GLB1: variants seen among roughly 807,000 people sequenced by gnomAD.
GLB1 encodes beta-galactosidase.
GLB1 carries 56 observed loss-of-function variants against 74.0 expected under a neutral mutation model. The observed-to-expected ratio is 0.76, with a 90% confidence interval of 0.61 to 0.94. The LOEUF (loss-of-function observed/expected upper bound fraction) is 0.94, where lower values mean the gene tolerates loss of function less well. Among genes scored for constraint, GLB1 ranks in the 40% least tolerant of loss-of-function variants. The probability of loss-of-function intolerance (pLI) is 0.00; values close to 1 mark genes in which losing one functional copy is unlikely to be tolerated. For synonymous variants in GLB1, 323 were observed against 323.6 expected, an observed-to-expected ratio of 1.00 and a Z score of 0.02; for missense variants, 787 against 845.5, an observed-to-expected ratio of 0.93 and a Z score of 0.86.
chr3:32,978,744 CT>C, the GLB1 span, among the ~76,000 whole-genome samples: 20 of 144,028 alleles, frequency 1.4e-4, no homozygotes, highest in African/African-American at 4.8e-4. Context: ...CCCTGGTTTT[CT>C]TTTTTTTCTT....
At chr3:33,066,725 T>C (rs1699698190) in intron 4 of GLB1, among the ~76,000 whole-genome samples, 1 of 152,190 alleles carries the variant, frequency 6.6e-6, no homozygotes, top group Admixed American at 6.5e-5. Flanking sequence ...TTTTTTTCCG[T>C]ATAAAATGAA....
rs766907320 is a variant in GLB1 at position 32,997,354 on chromosome 3, G to A, written c.1735-10C>T. On this transcript the variant is annotated splice_polypyrimidine_tract_variant and intron_variant, in intron 15 of 15. Transcript: ENST00000307363. The stretch of plus-strand genomic sequence containing the variant: ...TAATCCAGACCTGGCCCTGGAGAGA[G>A]AGAGACAGAGAACCATCAACCCCAG... 63 of 1,612,228 alleles carry A rather than the reference G, an allele frequency of 3.9e-5. No individual in the cohort carries two copies. Among genetic ancestry groups the A allele is most frequent in the Non-Finnish European group, 4.9e-5 (58 of 1,179,888 alleles).
intron 5 of GLB1, among the ~76,000 whole-genome samples, chr3:33,063,562 A>G (rs1323656034): frequency 1.3e-5 from 2 of 152,178 alleles, no homozygotes. Flanking sequence ...TTGCAGAATT[A>G]ATACTTGATT....
chr3:33,082,999 T>C (rs1275526819), intron 1 of GLB1, among the ~76,000 whole-genome samples: 17 of 152,154 alleles, frequency 1.1e-4, no homozygotes, highest in Admixed American at 1.0e-3. Context: ...GTCCACTTCA[T>C]GGACCCAAGA....
At chr3:33,089,060 T>C (rs1380035007) in intron 1 of GLB1, among the ~76,000 whole-genome samples, 1 of 152,308 alleles carries the variant, frequency 6.6e-6, no homozygotes, top group East Asian at 1.9e-4. Context: ...AAAACAGTGC[T>C]GGGAAAACTG....
rs1359014061 is a variant in GLB1 at position 33,012,779 on chromosome 3, C to T, written c.1734+1277G>A. 3.3e-5 allele frequency among the ~76,000 whole-genome samples: 5 copies of T among 152,182 alleles called. No individual in the cohort carries two copies. The East Asian group carries it at 9.6e-4, about 29-fold the overall frequency. ...AGCTTGAGACCTGAGTCATCCGAGACATATCCCTCTCCCCAAACCCTCCTG... is the reference window on the plus strand; with the variant it reads ...AGCTTGAGACCTGAGTCATCCGAGATATATCCCTCTCCCCAAACCCTCCTG... On this transcript the variant is annotated intron_variant, in intron 15 of 15. Transcript: ENST00000307363.
In GLB1 at chr3:33,051,863, C is replaced by A; in HGVS notation, c.914+20G>T. On this transcript the variant is annotated intron_variant, in intron 8 of 15. Coordinates refer to ENST00000307363, the MANE Select transcript of GLB1 (RefSeq NM_000404.4). ...CCATGGCTACTGAGGGCACCCTCCC[C>A]TCAGGCAATGAACACTCACAAGTTC... 6.2e-7 allele frequency: 1 copy of A among 1,614,220 alleles called. No individual in the cohort carries two copies. The highest frequency in any genetic ancestry group is 8.5e-7 in the Non-Finnish European group (1 of 1,180,048).
At chr3:33,089,688 G>A (rs116093800) in intron 1 of GLB1, among the ~76,000 whole-genome samples, 2 of 152,168 alleles carry the variant, frequency 1.3e-5, no homozygotes, top group African/African-American at 4.8e-5. Flanking sequence ...CTTATACGAG[G>A]TATCTAAAGC....
At position 33,068,898 on chromosome 3, in the gene GLB1, A is replaced by G; in HGVS notation, c.318T>C (p.Tyr106=). ...YQFSEDHDVE[Y]FLRLAHELGL... Reference sequence around the variant, plus strand: ...CCAGCTCATGAGCCAGCCGAAGAAAATATTCCACATCATGGTCCTCAGAAA... The same window carrying G: ...CCAGCTCATGAGCCAGCCGAAGAAAGTATTCCACATCATGGTCCTCAGAAA... The change falls in exon 3 of 16, where the codon TAT becomes TAC. Residue 106 remains tyrosine, a synonymous_variant. Coordinates refer to ENST00000307363, the MANE Select transcript of GLB1 (RefSeq NM_000404.4). The G allele has an allele frequency of 1.2e-6, 2 of 1,614,128 alleles. No individual in the cohort carries two copies. Among genetic ancestry groups the G allele is most frequent in the African/African-American group, 2.7e-5 (2 of 75,024 alleles).
chr3:33,024,372 A>G (rs771925717), intron 10 of GLB1, 47 bp from the exon 11 acceptor site: 3 of 1,555,916 alleles, frequency 1.9e-6, no homozygotes, highest in Non-Finnish European at 2.6e-6. Context: ...AAGTTGGTAA[A>G]CCTTCAGAAA....
At chr3:33,086,655 C>A (rs764568528) in intron 1 of GLB1, among the ~76,000 whole-genome samples, 2 of 152,102 alleles carry the variant, frequency 1.3e-5, no homozygotes, top group African/African-American at 2.4e-5. Context: ...CTAGCTCTAA[C>A]CTTTAGAGAG....
chr3:33,030,716 T>TC (rs1415696347), intron 10 of GLB1: 1 of 985,302 alleles, frequency 1.0e-6, no homozygotes, highest in Non-Finnish European at 1.2e-6. Context: ...AATCCCAGAA[T>TC]CCACTCCAAT....
chr3:32,986,397 A>G, the GLB1 span, among the ~76,000 whole-genome samples: 47 of 152,342 alleles, frequency 3.1e-4, no homozygotes, highest in African/African-American at 1.1e-3. Context: ...CTTAGCTTAT[A>G]TTGACTAACA....
At chr3:32,983,239 T>G in the GLB1 span, among the ~76,000 whole-genome samples, 1 of 152,224 alleles carries the variant, frequency 6.6e-6, no homozygotes, top group African/African-American at 2.4e-5. Context: ...TAAGCACATG[T>G]TTAATCATTT....
intron 10 of GLB1, among the ~76,000 whole-genome samples, chr3:33,040,297 G>A (rs868797441): frequency 1.3e-5 from 2 of 152,158 alleles, no homozygotes. Flanking sequence ...ATGTTCCCTG[G>A]TACCTGCCAG....
chr3:32,969,061 T>C, the GLB1 span, among the ~76,000 whole-genome samples: 38 of 152,288 alleles, frequency 2.5e-4, no homozygotes, highest in Admixed American at 2.2e-3. Flanking sequence ...AGATAGAGTG[T>C]TCTCAAGCCG....
chr3:33,052,136 A>C lies in GLB1; in HGVS notation c.793-132T>G, dbSNP rs6550200. The C allele has an allele frequency of 0.81, 1,225,592 of 1,520,362 alleles. 505,565 individuals carry two copies. The highest frequency in any genetic ancestry group is 0.88 in the Admixed American group (47,293 of 53,814). 94.2% of individuals were successfully genotyped at this position (1,520,362 alleles called of 1,614,324 possible). Reference sequence around the variant, plus strand: ...CTGACATGCACTGCTTAACCCAGAGACGCCCCCCAGTGAGCACTTCCAATA... The same window carrying C: ...CTGACATGCACTGCTTAACCCAGAGCCGCCCCCCAGTGAGCACTTCCAATA... On this transcript the variant is annotated intron_variant, in intron 7 of 15. Transcript: ENST00000307363.
At chr3:33,072,146 T>C (rs566291598) in intron 2 of GLB1, among the ~76,000 whole-genome samples, 2 of 152,326 alleles carry the variant, frequency 1.3e-5, no homozygotes, top group Non-Finnish European at 2.9e-5. Context: ...AAATACTAGC[T>C]GAACCTCTGA....
intron 1 of GLB1, among the ~76,000 whole-genome samples, chr3:33,083,834 G>A (rs1700412558): frequency 6.6e-6 from 1 of 152,014 alleles, no homozygotes; most frequent in South Asian, 2.1e-4. Context: ...TAATAAATAA[G>A]CATCTTTTTT....
Sources: gnomAD v4.1 joint callset for allele counts (sites outside exome capture counted in the v4.1 genomes callset) on GRCh38, gnomAD v4.1.1 for gene constraint, MANE v1.5 for transcripts, NCBI Gene and HGNC (gene_info 2026-07-23, HGNC 2026-07-21) for gene names.